Variants in RFX7 observed in about 807,000 individuals in gnomAD.
The protein encoded by RFX7 is regulatory factor X7, also known as DNA-binding protein RFX7.
A neutral mutation model predicts 111.8 loss-of-function variants in RFX7; 26 were observed. The observed-to-expected ratio is 0.23, with a 90% CI of 0.17 to 0.32. The LOEUF (loss-of-function observed/expected upper bound fraction) is 0.32, where lower values mean the gene tolerates loss of function less well. Among genes scored for constraint, RFX7 ranks in the 10% least tolerant of loss-of-function variants. The pLI is 1.00. For missense variants in RFX7, 1,573 were observed against 1,772.9 expected, an observed-to-expected ratio of 0.89 and a Z score of 2.02; for synonymous variants, 624 against 624.4, an observed-to-expected ratio of 1.00 and a Z score of 0.01.
intron 5 of RFX7, among the ~76,000 whole-genome samples, chr15:56,109,859 C>A (rs372025784): frequency 3.3e-5 from 5 of 151,722 alleles, no homozygotes; most frequent in African/African-American, 9.7e-5. Context: ...GCAGCCACCC[C>A]GTCTGGGAAG....
Position 56,101,445 on chromosome 15 carries a change from A to C in RFX7, c.725T>G (p.Leu242Trp), listed in dbSNP as rs751475414. Residue 242 changes from leucine to tryptophan, a missense_variant, in exon 8 of 10, where the codon TTG (leucine) becomes TGG (tryptophan). This residue lies in a region of RFX7 where 288 missense variants were observed against 337.9 expected (regional missense o/e 0.85). Transcript: ENST00000559447. ...TTTTACAAGGAAGCGGGCTAATTCC[A>C]AGACGGTGTCAAATGGTTGGCTTAA... ...KVLSQPFDTV[L>W]ELARFLVKSH... The C allele has an allele frequency of 6.2e-7, 1 of 1,613,578 alleles. No individual in the cohort carries two copies. The highest frequency in any genetic ancestry group is 1.7e-4 in the Middle Eastern group (1 of 6,060).
chr15:56,131,820 T>A (rs1384508179), intron 5 of RFX7, among the ~76,000 whole-genome samples: 1 of 151,986 alleles, frequency 6.6e-6, no homozygotes, highest in Non-Finnish European at 1.5e-5. Context: ...GTAAAGACAA[T>A]GAAGAAGATT....
At chr15:56,236,853 C>A (rs1310785274) in intron 2 of RFX7, among the ~76,000 whole-genome samples, 1 of 152,194 alleles carries the variant, frequency 6.6e-6, no homozygotes, top group Non-Finnish European at 1.5e-5. Context: ...TCCCCAACAA[C>A]CAGGATTACT....
intron 2 of RFX7, among the ~76,000 whole-genome samples, chr15:56,179,803 C>T (rs917737516): frequency 3.6e-4 from 42 of 118,192 alleles, no homozygotes; most frequent in African/African-American, 1.2e-3. Flanking sequence ...CACACACACA[C>T]ACACACACAC....
chr15:56,110,202 G>T lies in RFX7; in HGVS notation c.402-6532C>A, dbSNP rs1370252134. On this transcript the variant is annotated intron_variant, in intron 5 of 9. Coordinates refer to ENST00000559447, the MANE Select transcript of RFX7 (RefSeq NM_022841.7). ...CAGGAGGTGAGGGGAGCCTCTGCCTGGCCGCCCCTACTGGGAAGTGAGGAG... is the reference window on the plus strand; with the variant it reads ...CAGGAGGTGAGGGGAGCCTCTGCCTTGCCGCCCCTACTGGGAAGTGAGGAG... 9.1e-4 allele frequency among the ~76,000 whole-genome samples: 101 copies of T among 111,300 alleles called. 1 individual carries two copies. The highest frequency in any genetic ancestry group is 1.5e-3 in the East Asian group (5 of 3,296). 73.0% of individuals were successfully genotyped at this position (111,300 alleles called of 152,430 possible).
At chr15:56,221,341 T>A (rs2043424836) in intron 2 of RFX7, among the ~76,000 whole-genome samples, 2 of 152,210 alleles carry the variant, frequency 1.3e-5, no homozygotes, top group South Asian at 4.1e-4. Context: ...TTGTGTCACC[T>A]ATGATTTCGT....
chr15:56,244,943 A>C (rs369896289), upstream of RFX7, among the ~76,000 whole-genome samples: 2 of 152,280 alleles, frequency 1.3e-5, 1 homozygote. Context: ...TGTAGAATAC[A>C]ACAGCCAAGG....
chr15:56,135,882 C>T (rs183006049), intron 5 of RFX7, among the ~76,000 whole-genome samples: 1 of 152,116 alleles, frequency 6.6e-6, no homozygotes, highest in South Asian at 2.1e-4. Context: ...AATCCTTTCC[C>T]CATTGCTTGT....
chr15:56,105,754 A>G (rs2140534976), intron 5 of RFX7, among the ~76,000 whole-genome samples: 1 of 152,302 alleles, frequency 6.6e-6, no homozygotes, highest in Admixed American at 6.5e-5. Context: ...AGCAAAATTA[A>G]TATAGTAGTT....
chr15:56,238,657 G>A (rs934103320), intron 2 of RFX7, among the ~76,000 whole-genome samples: 14 of 152,058 alleles, frequency 9.2e-5, no homozygotes, highest in African/African-American at 3.1e-4. Flanking sequence ...AACAGTAATT[G>A]ATAACAAATT....
At chr15:56,127,938 T>C (rs2042166445) in intron 5 of RFX7, among the ~76,000 whole-genome samples, 1 of 149,476 alleles carries the variant, frequency 6.7e-6, no homozygotes, top group Non-Finnish European at 1.5e-5. Context: ...AAATCATGAA[T>C]GAAAACGGAG....
At chr15:56,241,608 C>T (rs535301333) in intron 2 of RFX7, among the ~76,000 whole-genome samples, 9 of 152,158 alleles carry the variant, frequency 5.9e-5, no homozygotes, top group South Asian at 2.1e-4. Context: ...CACATACACA[C>T]TGGTTTTGTG....
rs138412159 is a variant in RFX7 at position 56,221,415 on chromosome 15, G to T, written c.161+21710C>A. ...ACTTCCCTAGTAAGCTGTATTCTTA[G>T]GTTATATTTATTCCAAATCTTTATA... On this transcript the variant is annotated intron_variant, in intron 2 of 9. Transcript: ENST00000559447. 5.7e-3 allele frequency among the ~76,000 whole-genome samples: 873 copies of T among 151,994 alleles called. 9 individuals carry two copies. Among genetic ancestry groups the T allele is most frequent in the African/African-American group, 0.02 (825 of 41,474 alleles).
intron 2 of RFX7, among the ~76,000 whole-genome samples, chr15:56,218,231 T>G (rs1382475820): frequency 7.6e-6 from 1 of 130,890 alleles, no homozygotes; most frequent in Non-Finnish European, 1.5e-5. Flanking sequence ...CTCGGCTCAC[T>G]GCAACCTCTG....
intron 5 of RFX7, among the ~76,000 whole-genome samples, chr15:56,136,554 G>A (rs1407747579): frequency 4.9e-4 from 70 of 142,284 alleles, no homozygotes; most frequent in South Asian, 6.8e-4. Flanking sequence ...CAATCATGTC[G>A]TCTGCAAACA....
chr15:56,156,176 C>T (rs1250285255), intron 3 of RFX7, among the ~76,000 whole-genome samples: 4 of 152,046 alleles, frequency 2.6e-5, no homozygotes, highest in Non-Finnish European at 5.9e-5. Context: ...GGTTACGACC[C>T]TCAACTATAA....
rs2043754328 is a variant in RFX7, at chr15:56,243,754, C to A, written c.-312G>T. ...CTACTGCCGGGTCCCCGTGCTGCTG[C>A]AGCCCCAGGCACCGCTCCACGCCAC... On this transcript the variant is annotated 5_prime_UTR_variant, in exon 1 of 10. Coordinates refer to ENST00000559447, the MANE Select transcript of RFX7 (RefSeq NM_022841.7). Among the ~76,000 whole-genome samples, 1 of 150,772 alleles carries A rather than the reference C, an allele frequency of 6.6e-6. No homozygotes were observed. The highest frequency in any genetic ancestry group is 1.9e-4 in the East Asian group (1 of 5,134).
chr15:56,240,919 A>C (rs1195330898), intron 2 of RFX7, among the ~76,000 whole-genome samples: 1 of 152,108 alleles, frequency 6.6e-6, no homozygotes, highest in South Asian at 2.1e-4. Context: ...CACTTTTGAT[A>C]TCTTTATTTT....
chr15:56,104,007 T>G (rs901770213), intron 5 of RFX7, among the ~76,000 whole-genome samples: 2 of 152,216 alleles, frequency 1.3e-5, no homozygotes, highest in African/African-American at 2.4e-5. Flanking sequence ...TTTCCACATA[T>G]GTATCAGGCT....
Sources: gnomAD v4.1 joint callset for allele counts (sites outside exome capture counted in the v4.1 genomes callset) on GRCh38, gnomAD v4.1.1 for gene constraint, gnomAD v4.1.1 regional missense constraint, MANE v1.5 for transcripts, NCBI Gene and HGNC (gene_info 2026-07-23, HGNC 2026-07-21) for gene names.